The following ZNF469 variants were observed in gnomAD, a reference collection of about 807,000 sequenced individuals.
The protein encoded by ZNF469 is zinc finger protein 469.
A neutral mutation model predicts 1.0 loss-of-function variants in ZNF469; 1 was observed. The ratio of observed to expected loss-of-function variants is 1.00; its 90% CI spans 0.35 to 4.73. The LOEUF is 4.73. Among genes scored for constraint, ZNF469 ranks in the 30% most tolerant of loss-of-function variants. The pLI is 0.16. For missense variants in ZNF469, 6,100 were observed against 5,356.3 expected (o/e 1.14, Z -4.33); for synonymous variants, 2,703 against 2,363.4 (o/e 1.14, Z -4.17).
chr16:88,398,346 A>G (rs563663644), intron 1 of ZNF469, among the ~76,000 whole-genome samples: 1 of 151,488 alleles, frequency 6.6e-6, no homozygotes, highest in South Asian at 2.1e-4. Flanking sequence ...GGGTGAAGGG[A>G]CACGTGAGCC....
In ZNF469 at chr16:88,439,585, T is replaced by G. The variant is rs529386427; in HGVS notation, c.*253T>G. On this transcript the variant is annotated 3_prime_UTR_variant, in exon 3 of 3. Transcript: ENST00000565624. ...GCCCTTTTGAGACCACACAGCTGTT[T>G]TCTTGGTACCAAGTACTTGAAGAGA... 2.0e-5 allele frequency: 11 copies of G among 538,226 alleles called. No individual in the cohort carries two copies. In the African/African-American group the frequency reaches 2.1e-4, roughly 10 times the overall value. 33.3% of individuals were successfully genotyped at this position (538,226 alleles called of 1,614,324 possible).
At chr16:88,120,724 G>A in the ZNF469 span, among the ~76,000 whole-genome samples, 1 of 152,356 alleles carries the variant, frequency 6.6e-6, no homozygotes, top group East Asian at 1.9e-4. Flanking sequence ...CCAGCACGGT[G>A]GAAGGCCTGA....
the ZNF469 span, among the ~76,000 whole-genome samples, chr16:88,306,202 AG>A: frequency 2.0e-5 from 3 of 152,220 alleles, no homozygotes; most frequent in South Asian, 6.2e-4. Context: ...AGGAGCCTAC[AG>A]TGTGCCAGGC....
chr16:88,407,504 C>T (rs938595856), intron 1 of ZNF469, among the ~76,000 whole-genome samples: 1 of 152,238 alleles, frequency 6.6e-6, no homozygotes, highest in African/African-American at 2.4e-5. Context: ...CACCAGGTGT[C>T]GGACACCGAA....
chr16:88,428,313 T>C lies in ZNF469; in HGVS notation c.843T>C (p.His281=). The C allele has an allele frequency of 1.3e-6, 2 of 1,550,224 alleles. No homozygotes were observed. Among genetic ancestry groups the C allele is most frequent in the South Asian group, 2.4e-5 (2 of 84,062 alleles). ...TCCAGTTCCCCTTCCCGGCACTGCATGGGGCCAGCACAAAACCCTTCCCTG... is the reference window on the plus strand; with the variant it reads ...TCCAGTTCCCCTTCCCGGCACTGCACGGGGCCAGCACAAAACCCTTCCCTG... ...VSFQFPFPAL[H]GASTKPFPAD... is the part of the protein sequence containing the mutation. The change falls in exon 3 of 3, where the codon CAT becomes CAC. Residue 281 remains histidine (H), a synonymous_variant. Coordinates refer to ENST00000565624, the MANE Select transcript of ZNF469 (RefSeq NM_001367624.2).
the ZNF469 span, among the ~76,000 whole-genome samples, chr16:88,299,241 T>G: frequency 1.4e-5 from 2 of 146,868 alleles, no homozygotes; most frequent in Non-Finnish European, 3.0e-5. Flanking sequence ...GGAGGCAGCT[T>G]GCGGCGGGGT....
the ZNF469 span, among the ~76,000 whole-genome samples, chr16:88,150,718 C>A: frequency 7.8e-6 from 1 of 128,770 alleles, no homozygotes; most frequent in Non-Finnish European, 1.5e-5. Context: ...GATTCGGGAG[C>A]TTTGAGCTTT....
rs1406852004 is a variant in ZNF469, at chr16:88,439,561, C to A, written c.*229C>A. 4 of 583,592 alleles carry A rather than the reference C, an allele frequency of 6.9e-6. No individual in the cohort carries two copies. In the African/African-American group the frequency reaches 7.5e-5, roughly 11 times the overall value. The allele number at this position is 583,592 out of a possible 1,614,324, so 36.2% of individuals were successfully genotyped here. On this transcript the variant is annotated 3_prime_UTR_variant, in exon 3 of 3. Transcript: ENST00000565624. Reference sequence around the variant, plus strand: ...GGGGTGAAAGACGGGGCCACTGCAGCCCTTTTGAGACCACACAGCTGTTTT... The same window carrying A: ...GGGGTGAAAGACGGGGCCACTGCAGACCTTTTGAGACCACACAGCTGTTTT...
the ZNF469 span, among the ~76,000 whole-genome samples, chr16:88,210,853 GCCT>G: frequency 1.3e-5 from 2 of 152,158 alleles, no homozygotes; most frequent in Non-Finnish European, 2.9e-5. Flanking sequence ...GTAAAGCTGG[GCCT>G]CCTCCTCCAC....
At chr16:88,206,803 G>T in the ZNF469 span, among the ~76,000 whole-genome samples, 2 of 123,082 alleles carry the variant, frequency 1.6e-5, no homozygotes, top group Admixed American at 8.2e-5. Flanking sequence ...GGAAGGGAGG[G>T]GAGGCCGTGG....
At chr16:88,285,404 C>T in the ZNF469 span, among the ~76,000 whole-genome samples, 14 of 152,308 alleles carry the variant, frequency 9.2e-5, 1 homozygote, top group South Asian at 4.1e-4. Context: ...CCCTGGTGGA[C>T]GAAGACAGGC....
the ZNF469 span, among the ~76,000 whole-genome samples, chr16:88,144,594 T>C: frequency 1.3e-5 from 2 of 152,214 alleles, no homozygotes; most frequent in African/African-American, 4.8e-5. Context: ...ATTTGAAATG[T>C]TTTAGGCTAA....
the ZNF469 span, among the ~76,000 whole-genome samples, chr16:88,107,859 G>C: frequency 6.6e-6 from 1 of 152,214 alleles, no homozygotes; most frequent in Non-Finnish European, 1.5e-5. Flanking sequence ...GCCCATGTTG[G>C]GCTCCGGCCT....
the ZNF469 span, among the ~76,000 whole-genome samples, chr16:88,261,315 C>G: frequency 3.9e-5 from 6 of 152,338 alleles, no homozygotes; most frequent in East Asian, 1.2e-3. This position sits in a 1 kb window ranked among gnomAD's most constrained non-coding sequence, Gnocchi z 6.0. Context: ...ACGGCACCAC[C>G]TGCCCCTCCC....
intron 1 of ZNF469, among the ~76,000 whole-genome samples, chr16:88,421,208 A>T (rs1905446386): frequency 6.6e-6 from 1 of 152,152 alleles, no homozygotes; most frequent in Non-Finnish European, 1.5e-5. Context: ...AGGCACTGGC[A>T]TTCCCCCACA....
At chr16:88,397,958 G>C (rs563131308) in intron 1 of ZNF469, among the ~76,000 whole-genome samples, 1 of 152,340 alleles carries the variant, frequency 6.6e-6, no homozygotes, top group East Asian at 1.9e-4. Context: ...CAGGGTCAGA[G>C]GTTCTGCCCT....
the ZNF469 span, among the ~76,000 whole-genome samples, chr16:88,215,521 C>A: frequency 6.0e-5 from 9 of 149,942 alleles, no homozygotes; most frequent in African/African-American, 2.2e-4. Context: ...TCCCAAGTAG[C>A]TGGGATTACA....
At chr16:88,373,615 T>C in the ZNF469 span, among the ~76,000 whole-genome samples, 1 of 152,162 alleles carries the variant, frequency 6.6e-6, no homozygotes, top group African/African-American at 2.4e-5. Flanking sequence ...CATTCTCAGA[T>C]GCTCCATAGA....
chr16:88,256,918 C>A, the ZNF469 span, among the ~76,000 whole-genome samples: 1 of 6,052 alleles, frequency 1.7e-4, no homozygotes, highest in Non-Finnish European at 5.1e-4. Flanking sequence ...TTCTTTCTTT[C>A]TTTCTTTCTT....
Sources: allele counts gnomAD v4.1 joint callset (sites outside exome capture counted in the v4.1 genomes callset), GRCh38; gene constraint gnomAD v4.1.1; non-coding constraint Gnocchi (gnomAD v3.1); transcripts MANE v1.5; gene names NCBI Gene and HGNC (gene_info 2026-07-23, HGNC 2026-07-21).